Variants in STARD13 observed in about 807,000 individuals in gnomAD.
STARD13 encodes the protein StAR related lipid transfer domain containing 13.
Under a neutral mutation model 106.4 loss-of-function variants are expected in STARD13, and 62 were observed. That is an observed-to-expected ratio of 0.58 (90% CI 0.48 to 0.72). The LOEUF is 0.72. STARD13 is among the 30% of genes least tolerant of loss of function. The probability of loss-of-function intolerance (pLI) is 0.00; values close to 1 mark genes in which losing one functional copy is unlikely to be tolerated. For missense variants in STARD13, 1,387 were observed against 1,424.0 expected (o/e 0.97, Z 0.42); for synonymous variants, 565 against 553.0 (o/e 1.02, Z -0.31).
chr13:33,215,192 C>A (rs1393000029), intron 1 of STARD13, among the ~76,000 whole-genome samples: 1 of 151,430 alleles, frequency 6.6e-6, no homozygotes, highest in African/African-American at 2.4e-5. Flanking sequence ...ATCTTGCTTT[C>A]ACATAAGGAT....
chr13:33,304,749 A>G (rs1892844510), intron 1 of STARD13, among the ~76,000 whole-genome samples: 1 of 152,114 alleles, frequency 6.6e-6, no homozygotes, highest in Admixed American at 6.6e-5. Flanking sequence ...GAACCCCCTA[A>G]AACACTTTGT....
At chr13:33,348,086 T>C (rs2078035501), downstream of STARD13, among the ~76,000 whole-genome samples, 1 of 152,214 alleles carries the variant, frequency 6.6e-6, no homozygotes, top group Non-Finnish European at 1.5e-5. Context: ...CAGAGGATTG[T>C]TTGGTCCCAG....
chr13:33,590,704 TGGGGGGAGGGGGGA>T, the STARD13 span, among the ~76,000 whole-genome samples: 1 of 32,766 alleles, frequency 3.1e-5, no homozygotes, highest in Non-Finnish European at 5.6e-5. Context: ...TGTCATGGGG[TGGGGGGAGGGGGGA>T]GGGGGGAGGG....
chr13:33,447,318 C>T, the STARD13 span, among the ~76,000 whole-genome samples: 4 of 152,206 alleles, frequency 2.6e-5, no homozygotes, highest in Admixed American at 2.6e-4. Context: ...GTGTGCAAGC[C>T]AGCAGCTGAG....
chr13:33,666,683 C>T, the STARD13 span, among the ~76,000 whole-genome samples: 4 of 152,122 alleles, frequency 2.6e-5, no homozygotes, highest in Admixed American at 2.0e-4. Context: ...CTCTGCTTTC[C>T]CGGTTCAAGC....
chr13:33,578,676 C>T, the STARD13 span, among the ~76,000 whole-genome samples: 3 of 152,066 alleles, frequency 2.0e-5, no homozygotes, highest in African/African-American at 7.2e-5. Context: ...TAAAAAGCTT[C>T]TGCACAGCAA....
intron 3 of STARD13, among the ~76,000 whole-genome samples, chr13:33,152,100 A>G (rs1881359949): frequency 1.3e-5 from 2 of 152,350 alleles, no homozygotes; most frequent in South Asian, 2.1e-4. Flanking sequence ...TGGTCCACAT[A>G]TGGATGATAT....
At chr13:33,664,788 G>A in the STARD13 span, among the ~76,000 whole-genome samples, 1 of 152,050 alleles carries the variant, frequency 6.6e-6, no homozygotes, top group Non-Finnish European at 1.5e-5. Flanking sequence ...CACCACGCCC[G>A]GCTAATTTTT....
At chr13:33,622,288 T>C in the STARD13 span, among the ~76,000 whole-genome samples, 1 of 152,122 alleles carries the variant, frequency 6.6e-6, no homozygotes, top group Non-Finnish European at 1.5e-5. Context: ...TGTATGAACA[T>C]AGACATAAAA....
the STARD13 span, among the ~76,000 whole-genome samples, chr13:33,404,023 G>A: frequency 6.6e-5 from 10 of 152,132 alleles, no homozygotes; most frequent in Admixed American, 6.5e-4. Flanking sequence ...TGAGTCATAC[G>A]CAACCTTTCA....
intron 1 of STARD13, among the ~76,000 whole-genome samples, chr13:33,195,344 G>T (rs576701877): frequency 1.5e-4 from 23 of 152,228 alleles, no homozygotes; most frequent in Admixed American, 4.6e-4. Context: ...ACCAACTAAA[G>T]TTGAAGTTTT....
chr13:33,415,645 C>T, the STARD13 span, among the ~76,000 whole-genome samples: 3 of 151,992 alleles, frequency 2.0e-5, no homozygotes, highest in East Asian at 1.9e-4. Flanking sequence ...TGCAGCGCTC[C>T]GCAGACCTCA....
intron 2 of STARD13, among the ~76,000 whole-genome samples, chr13:33,166,488 G>A (rs17078656): frequency 3.3e-5 from 5 of 151,874 alleles, no homozygotes; most frequent in Non-Finnish European, 7.4e-5. Flanking sequence ...ACTGTGCACC[G>A]TTCCTCGTGG....
chr13:33,185,938 T>C (rs1288593065), intron 1 of STARD13: 1 of 1,614,114 alleles, frequency 6.2e-7, no homozygotes, highest in African/African-American at 1.3e-5. Flanking sequence ...ACAGTGTCTT[T>C]GCATTCTCTG....
At chr13:33,616,807 T>C in the STARD13 span, among the ~76,000 whole-genome samples, 15 of 152,252 alleles carry the variant, frequency 9.9e-5, no homozygotes, top group Non-Finnish European at 1.6e-4. Flanking sequence ...AAAAATAGTC[T>C]TTATTTTAAT....
chr13:33,208,693 C>T (rs977635939), intron 1 of STARD13, among the ~76,000 whole-genome samples: 1 of 152,100 alleles, frequency 6.6e-6, no homozygotes, highest in African/African-American at 2.4e-5. Flanking sequence ...ATTATTTCAG[C>T]AAGAGGTCAT....
the STARD13 span, among the ~76,000 whole-genome samples, chr13:33,427,591 C>T: frequency 6.6e-6 from 1 of 152,152 alleles, no homozygotes; most frequent in East Asian, 1.9e-4. Flanking sequence ...ACAACTTGTG[C>T]TGTTCAAAAT....
At chr13:33,605,924 G>A in the STARD13 span, among the ~76,000 whole-genome samples, 1 of 152,126 alleles carries the variant, frequency 6.6e-6, no homozygotes, top group Non-Finnish European at 1.5e-5. Context: ...TAGAGTCTGG[G>A]GTATGGGCTT....
At position 33,250,411 on chromosome 13, in the gene STARD13, C is replaced by CAA. The variant is rs533193885; in HGVS notation, c.169+35057_169+35058dup. 1.9e-3 allele frequency among the ~76,000 whole-genome samples: 294 copies of CAA among 152,230 alleles called. 2 individuals are homozygous for CAA. The highest frequency in any genetic ancestry group is 6.9e-3 in the African/African-American group (286 of 41,544). ...ATAATTCTGGAGAATTTTATTCTCG[C>CAA]AAAAACAGTATTCACTGTCTTGTAA... On this transcript the variant is annotated intron_variant, in intron 1 of 13. Transcript: ENST00000336934.
Sources: allele counts gnomAD v4.1 joint callset (sites outside exome capture counted in the v4.1 genomes callset), GRCh38; gene constraint gnomAD v4.1.1; transcripts MANE v1.5; gene names NCBI Gene and HGNC (gene_info 2026-07-23, HGNC 2026-07-21).